Variants in SMOC1 observed in about 807,000 individuals in gnomAD.
The protein encoded by SMOC1 is SPARC related modular calcium binding 1.
SMOC1 carries 22 observed loss-of-function variants against 56.3 expected under a neutral mutation model. That is an observed-to-expected ratio of 0.39 (90% CI 0.28 to 0.56). The LOEUF (loss-of-function observed/expected upper bound fraction) is 0.56, where lower values mean the gene tolerates loss of function less well. Among genes scored for constraint, SMOC1 ranks in the 20% least tolerant of loss-of-function variants. The pLI, the probability that SMOC1 is intolerant of heterozygous loss-of-function variation, is 0.61. For synonymous variants in SMOC1, 193 were observed against 215.0 expected (o/e 0.90, Z 0.89); for missense variants, 509 against 565.4 (o/e 0.90, Z 1.01).
At chr14:69,909,582 G>T (rs902721472) in intron 1 of SMOC1, among the ~76,000 whole-genome samples, 3 of 152,148 alleles carry the variant, frequency 2.0e-5, no homozygotes, top group Non-Finnish European at 4.4e-5. Flanking sequence ...TTATGTAAAA[G>T]CTTTTCAAAA....
intron 3 of SMOC1, among the ~76,000 whole-genome samples, chr14:69,964,897 C>T (rs940679630): frequency 6.6e-6 from 1 of 152,136 alleles, no homozygotes; most frequent in African/African-American, 2.4e-5. Flanking sequence ...CCCAAGTACC[C>T]TGGCTCCAGA....
intron 9 of SMOC1, among the ~76,000 whole-genome samples, chr14:70,012,091 A>G (rs1037174242): frequency 6.6e-6 from 1 of 152,258 alleles, no homozygotes; most frequent in Non-Finnish European, 1.5e-5. Flanking sequence ...TGCAAGTTAC[A>G]GTAACATTAC....
chr14:69,990,472 G>A (rs1320057054), intron 5 of SMOC1, among the ~76,000 whole-genome samples: 1 of 152,188 alleles, frequency 6.6e-6, no homozygotes, highest in Non-Finnish European at 1.5e-5. Context: ...ACCCTGTGTG[G>A]AAGGGCTGAG....
intron 3 of SMOC1, among the ~76,000 whole-genome samples, chr14:69,964,561 T>C (rs1190025349): frequency 6.6e-6 from 1 of 152,002 alleles, no homozygotes; most frequent in Non-Finnish European, 1.5e-5. Flanking sequence ...GTATTTTTAG[T>C]AGAGACGGGG....
intron 11 of SMOC1, among the ~76,000 whole-genome samples, chr14:70,027,836 A>G (rs537379828): frequency 6.6e-6 from 1 of 152,342 alleles, no homozygotes; most frequent in Non-Finnish European, 1.5e-5. Flanking sequence ...TGGTAGCGGT[A>G]GAGGAACATG....
intron 1 of SMOC1, among the ~76,000 whole-genome samples, chr14:69,909,331 T>C (rs1278439511): frequency 6.6e-6 from 1 of 152,230 alleles, no homozygotes; most frequent in Non-Finnish European, 1.5e-5. Context: ...GATCTGAACA[T>C]GTAATACACT....
intron 1 of SMOC1, among the ~76,000 whole-genome samples, chr14:69,894,496 A>C (rs535174181): frequency 9.8e-5 from 15 of 152,300 alleles, no homozygotes; most frequent in Admixed American, 8.5e-4. Context: ...AGGGTTACCC[A>C]TTTCTGGGAC....
At chr14:69,979,665 A>G (rs969240940) in intron 5 of SMOC1, among the ~76,000 whole-genome samples, 2 of 152,018 alleles carry the variant, frequency 1.3e-5, no homozygotes, top group Non-Finnish European at 2.9e-5. Flanking sequence ...AGATCTCACT[A>G]TGTTGCCTAG....
chr14:69,964,130 T>C (rs1042908911), intron 3 of SMOC1, among the ~76,000 whole-genome samples: 1 of 152,190 alleles, frequency 6.6e-6, no homozygotes, highest in Non-Finnish European at 1.5e-5. Flanking sequence ...GGAGTAAGCA[T>C]GCAAGGTTTG....
chr14:70,005,403 C>T (rs747494302), intron 7 of SMOC1, among the ~76,000 whole-genome samples: 4 of 152,288 alleles, frequency 2.6e-5, no homozygotes, highest in East Asian at 1.9e-4. Flanking sequence ...TGAAAGAACC[C>T]GTGCCCTGGG....
Position 69,972,760 on chromosome 14 carries a change from T to C in SMOC1, c.379-2955T>C, listed in dbSNP as rs182447602. ...AGATTATATCCCCAGAAACAAAGCT[T>C]TGGGCTTAGCCTCTTACTCATGAAT... On this transcript the variant is annotated intron_variant, in intron 3 of 11. Coordinates refer to ENST00000361956, the MANE Select transcript of SMOC1 (RefSeq NM_001034852.3). Among the ~76,000 whole-genome samples, 12 of 152,320 alleles carry C rather than the reference T, an allele frequency of 7.9e-5. No homozygotes were observed. In the East Asian group the frequency reaches 2.1e-3, roughly 27 times the overall value.
At chr14:69,883,159 CTT>C (rs1883691163) in intron 1 of SMOC1, among the ~76,000 whole-genome samples, 1 of 152,200 alleles carries the variant, frequency 6.6e-6, no homozygotes, top group South Asian at 2.1e-4. Context: ...AACATCCACT[CTT>C]TGCATTTTTC....
chr14:70,022,471 G>T (rs1363956101), intron 10 of SMOC1, among the ~76,000 whole-genome samples: 3 of 152,198 alleles, frequency 2.0e-5, no homozygotes, highest in Non-Finnish European at 4.4e-5. Context: ...ATGGTTTCCT[G>T]GGTCCACCCC....
chr14:69,991,433 G>T (rs947737718), intron 5 of SMOC1, among the ~76,000 whole-genome samples: 9 of 152,158 alleles, frequency 5.9e-5, no homozygotes, highest in African/African-American at 1.9e-4. Flanking sequence ...TTTTATTAGG[G>T]AGATGATTAG....
chr14:69,885,849 G>A, intron 1 of SMOC1: 2 of 1,600,726 alleles, frequency 1.2e-6, no homozygotes, highest in Non-Finnish European at 1.7e-6. Flanking sequence ...TTGTGGGCCA[G>A]CTTAAGCAGC....
At chr14:69,974,901 A>G (rs1883896488) in intron 3 of SMOC1, among the ~76,000 whole-genome samples, 1 of 152,176 alleles carries the variant, frequency 6.6e-6, no homozygotes, top group Non-Finnish European at 1.5e-5. Context: ...GACAGTCACA[A>G]GATCAATAGG....
chr14:70,004,361 T>G (rs1885075346), intron 7 of SMOC1, among the ~76,000 whole-genome samples: 1 of 152,194 alleles, frequency 6.6e-6, no homozygotes, highest in Non-Finnish European at 1.5e-5. Context: ...TAGATATTGG[T>G]GTGAAGGTAT....
chr14:69,925,198 G>A (rs1222181711), intron 1 of SMOC1, among the ~76,000 whole-genome samples: 1 of 113,440 alleles, frequency 8.8e-6, no homozygotes, highest in Non-Finnish European at 1.8e-5. Context: ...GAGCTGGGTG[G>A]GAGGGGAGCT....
chr14:69,901,377 G>T (rs1014352570), intron 1 of SMOC1, among the ~76,000 whole-genome samples: 22 of 152,152 alleles, frequency 1.4e-4, no homozygotes, highest in African/African-American at 4.8e-4. Context: ...CCTAATTTCT[G>T]CAGTTTAAAC....
Sources: gnomAD v4.1 joint callset for allele counts (sites outside exome capture counted in the v4.1 genomes callset) on GRCh38, gnomAD v4.1.1 for gene constraint, MANE v1.5 for transcripts, NCBI Gene and HGNC (gene_info 2026-07-23, HGNC 2026-07-21) for gene names.